Variants in CTTNBP2 observed in about 807,000 individuals in gnomAD.
CTTNBP2 encodes the protein cortactin-binding protein 2.
In CTTNBP2, 108 loss-of-function variants were observed where a neutral mutation model predicts 156.9. The ratio of observed to expected loss-of-function variants is 0.69; its 90% CI spans 0.59 to 0.81. The LOEUF is 0.81. Ranked by LOEUF, CTTNBP2 falls within the 30% of genes least tolerant of loss-of-function variation. CTTNBP2 has a pLI of 0.00. For synonymous variants in CTTNBP2, 767 were observed against 751.8 expected (o/e 1.02, Z -0.33); for missense variants, 1,924 against 2,035.4 (o/e 0.95, Z 1.05).
chr7:117,725,262 CA>C lies in CTTNBP2; in HGVS notation c.4056-6del. 1 of 1,613,590 alleles carries C rather than the reference CA, an allele frequency of 6.2e-7. No homozygotes were observed. Among genetic ancestry groups the C allele is most frequent in the Non-Finnish European group, 8.5e-7 (1 of 1,179,490 alleles). The stretch of plus-strand genomic sequence containing the variant: ...TTCCACAGCTTAGACATCCACCTAG[CA>C]GGAGAGGGACCGATTCATCCCTTAG... On this transcript the variant is annotated splice_region_variant and splice_polypyrimidine_tract_variant and intron_variant, in intron 17 of 22. Transcript: ENST00000160373.
chr7:117,826,898 G>A (rs1363939250), intron 2 of CTTNBP2, among the ~76,000 whole-genome samples: 1 of 150,212 alleles, frequency 6.7e-6, no homozygotes. Context: ...GTCTCACTCT[G>A]CTGTCCAGGC....
intron 4 of CTTNBP2, among the ~76,000 whole-genome samples, chr7:117,786,649 G>A (rs1444126095): frequency 6.6e-6 from 1 of 152,060 alleles, no homozygotes; most frequent in East Asian, 1.9e-4. Flanking sequence ...TCATCCAAGG[G>A]GTCTTGGTTG....
At chr7:117,804,678 C>A (rs562863623) in intron 3 of CTTNBP2, among the ~76,000 whole-genome samples, 24 of 152,280 alleles carry the variant, frequency 1.6e-4, no homozygotes, top group Non-Finnish European at 8.8e-5. Context: ...GAACAGAAAA[C>A]CAAACACTGC....
At chr7:117,831,756 A>G (rs189195604) in intron 2 of CTTNBP2, among the ~76,000 whole-genome samples, 20 of 151,726 alleles carry the variant, frequency 1.3e-4, no homozygotes, top group Admixed American at 1.3e-3. Flanking sequence ...CTCCTAACCC[A>G]CCCTTATCCT....
At chr7:117,808,604 C>T (rs1035308991) in intron 3 of CTTNBP2, among the ~76,000 whole-genome samples, 3 of 152,194 alleles carry the variant, frequency 2.0e-5, no homozygotes, top group East Asian at 1.9e-4. Context: ...GAGATATGAC[C>T]GATGTCAGAT....
At position 117,745,873 on chromosome 7, in the gene CTTNBP2, C is replaced by A. The variant is rs547225821; in HGVS notation, c.3493G>T (p.Gly1165Cys). The A allele has an allele frequency of 4.3e-6, 7 of 1,614,136 alleles. No individual in the cohort carries two copies. The African/African-American group carries it at 8.0e-5, about 18-fold the overall frequency. The change falls in exon 14 of 23, where the codon GGT becomes TGT. Residue 1165 changes from glycine to cysteine, a missense_variant. Transcript: ENST00000160373. ...CEIVRAEVDA[G>C]FSKEQLLDLF... ...TCTAGTAGCTGTTCCTTGGAAAAAC[C>A]AGCATCTACTTCAGCTCTCACTATT... is the stretch of plus-strand genomic sequence containing the variant.
intron 3 of CTTNBP2, among the ~76,000 whole-genome samples, chr7:117,803,097 T>C (rs1182282234): frequency 6.6e-6 from 1 of 152,210 alleles, no homozygotes; most frequent in African/African-American, 2.4e-5. Flanking sequence ...ATCTCAGCAC[T>C]ATTCACAATC....
chr7:117,835,998 GC>G (rs1005768262), intron 2 of CTTNBP2, among the ~76,000 whole-genome samples: 21 of 152,120 alleles, frequency 1.4e-4, no homozygotes, highest in African/African-American at 4.1e-4. Context: ...TACAGCACAG[GC>G]CATGTTGCCT....
chr7:117,752,306 C>A (rs1796657105), intron 12 of CTTNBP2, among the ~76,000 whole-genome samples: 1 of 152,088 alleles, frequency 6.6e-6, no homozygotes, highest in South Asian at 2.1e-4. Flanking sequence ...TGACCGAACT[C>A]CAGCATTTTT....
chr7:117,846,015 T>A (rs868706404), intron 2 of CTTNBP2, among the ~76,000 whole-genome samples: 4 of 148,730 alleles, frequency 2.7e-5, no homozygotes, highest in African/African-American at 9.9e-5. Flanking sequence ...CACGCCCGGC[T>A]AATTTTTTTG....
In CTTNBP2 at chr7:117,791,974, G is replaced by A. The variant is rs747644777; in HGVS notation, c.1222C>T (p.Pro408Ser). The A allele has an allele frequency of 6.2e-7, 1 of 1,614,092 alleles. No individual in the cohort carries two copies. The highest frequency in any genetic ancestry group is 1.7e-5 in the Admixed American group (1 of 60,000). The change falls in exon 4 of 23, where the codon CCC (proline) becomes TCC (serine). Residue 408 changes from proline (P) to serine (S), a missense_variant. Coordinates refer to ENST00000160373, the MANE Select transcript of CTTNBP2 (RefSeq NM_033427.3). The part of the protein sequence containing the change: ...TPPLPSNAAP[P>S]TAQTPGIAPQ... ...GCTATGCCTGGTGTTTGAGCGGTGG[G>A]AGGGGCAGCGTTACTGGGAAGTGGG...
chr7:117,827,511 CA>C (rs1563047655), intron 2 of CTTNBP2, among the ~76,000 whole-genome samples: 1 of 152,042 alleles, frequency 6.6e-6, no homozygotes, highest in African/African-American at 2.4e-5. Flanking sequence ...AAGCTTCTTA[CA>C]AAAAATAGAC....
chr7:117,791,085 G>C (rs1288008869), intron 4 of CTTNBP2, 43 bp downstream of exon 4: 2 of 1,493,548 alleles, frequency 1.3e-6, no homozygotes, highest in African/African-American at 2.8e-5. Context: ...TGAGAAGAGA[G>C]GCCATATTCT....
intron 17 of CTTNBP2, among the ~76,000 whole-genome samples, chr7:117,725,651 G>A (rs747371661): frequency 3.3e-5 from 5 of 152,140 alleles, no homozygotes; most frequent in Non-Finnish European, 7.4e-5. Flanking sequence ...TTAATAAGGT[G>A]CACATACATT....
At chr7:117,830,492 G>A (rs182925374) in intron 2 of CTTNBP2, among the ~76,000 whole-genome samples, 4 of 152,286 alleles carry the variant, frequency 2.6e-5, no homozygotes, top group Admixed American at 1.3e-4. Flanking sequence ...ACATCAATGC[G>A]TCTGGCATTC....
intron 16 of CTTNBP2, among the ~76,000 whole-genome samples, chr7:117,731,313 C>A (rs935693043): frequency 3.9e-5 from 6 of 152,156 alleles, no homozygotes; most frequent in Non-Finnish European, 1.5e-5. Flanking sequence ...ACTTAAAAGC[C>A]TGAGGGAAAG....
At chr7:117,714,097 C>T (rs960408393) in intron 22 of CTTNBP2, 1 of 152,224 alleles carries the variant, frequency 6.6e-6, no homozygotes, top group Non-Finnish European at 1.5e-5. Context: ...AGTCCATCCT[C>T]GTCACCTCCA....
chr7:117,762,857 T>C (rs1457743980), intron 9 of CTTNBP2, among the ~76,000 whole-genome samples: 1 of 152,216 alleles, frequency 6.6e-6, no homozygotes, highest in African/African-American at 2.4e-5. Flanking sequence ...TCTTTCCTTT[T>C]AACCCAGTCA....
At chr7:117,864,661 AAT>A (rs59007297) in intron 1 of CTTNBP2, among the ~76,000 whole-genome samples, 1 of 103,016 alleles carries the variant, frequency 9.7e-6, no homozygotes, top group Non-Finnish European at 2.3e-5. Flanking sequence ...TAGATGTATG[AAT>A]ATATATTCAT....
Sources: gnomAD v4.1 joint callset for allele counts (sites outside exome capture counted in the v4.1 genomes callset) on GRCh38, gnomAD v4.1.1 for gene constraint, MANE v1.5 for transcripts, NCBI Gene and HGNC (gene_info 2026-07-23, HGNC 2026-07-21) for gene names.